The following BAG3 variants were observed in gnomAD, a reference collection of about 807,000 sequenced individuals.
BAG3 encodes BAG cochaperone 3, also known as BAG family molecular chaperone regulator 3.
A neutral mutation model predicts 40.5 loss-of-function variants in BAG3; 14 were observed. The observed-to-expected ratio is 0.35, with a 90% CI of 0.23 to 0.54. BAG3 has a LOEUF of 0.54. Among genes scored for constraint, BAG3 ranks in the 20% least tolerant of loss-of-function variants. BAG3 has a pLI of 0.91. For synonymous variants in BAG3, 302 were observed against 307.8 expected (o/e 0.98, Z 0.20); for missense variants, 788 against 758.6 (o/e 1.04, Z -0.46).
intron 3 of BAG3, among the ~76,000 whole-genome samples, chr10:119,675,823 T>TCCCCCTG (rs1847217458): frequency 2.7e-5 from 1 of 36,972 alleles, no homozygotes; most frequent in Non-Finnish European, 4.8e-5. Flanking sequence ...CCTGCTTCCT[T>TCCCCCTG]CCCCCTTCCC....
chr10:119,667,792 GT>G (rs1847086619), intron 1 of BAG3, among the ~76,000 whole-genome samples: 1 of 152,216 alleles, frequency 6.6e-6, no homozygotes, highest in East Asian at 1.9e-4. Context: ...TGTGCAGATG[GT>G]TGAGGCTTTT....
chr10:119,662,417 G>A (rs1254862053), intron 1 of BAG3, among the ~76,000 whole-genome samples: 2 of 151,984 alleles, frequency 1.3e-5, no homozygotes, highest in Non-Finnish European at 1.5e-5. Context: ...CCTGCCTGAT[G>A]GAGGCGAGCC....
chr10:119,675,860 T>TTTC (rs1847221117), intron 3 of BAG3, among the ~76,000 whole-genome samples: 1 of 35,596 alleles, frequency 2.8e-5, no homozygotes, highest in South Asian at 1.4e-3. Context: ...CCTGCCCCCT[T>TTTC]CCCCCTTGCC....
rs1434506876 is a variant in BAG3, at chr10:119,676,565, C to T, written c.1011C>T (p.Ile337=). 6 of 1,614,064 alleles carry T rather than the reference C, an allele frequency of 3.7e-6. No homozygotes were observed. The South Asian group carries it at 5.5e-5, about 15-fold the overall frequency. ...GACCAGAACTCCCTCCTGGACACAT[C>T]CCAATTCAAGTGATCCGCAAAGAGG... ...PVGPELPPGH[I]PIQVIRKEVD... Residue 337 remains isoleucine, a synonymous_variant, in exon 4 of 4, where the codon ATC becomes ATT. Coordinates refer to ENST00000369085, the MANE Select transcript of BAG3 (RefSeq NM_004281.4).
At chr10:119,657,238 A>G (rs551784842) in intron 1 of BAG3, among the ~76,000 whole-genome samples, 2 of 152,324 alleles carry the variant, frequency 1.3e-5, no homozygotes, top group South Asian at 2.1e-4. Flanking sequence ...TAAATGCCAT[A>G]TAGAGGACAA....
chr10:119,677,168 T>A lies in BAG3; in HGVS notation c.1614T>A (p.Asn538Lys). The change falls in exon 4 of 4, where the codon AAT becomes AAA. Residue 538 changes from asparagine to lysine, a missense_variant. Coordinates refer to ENST00000369085, the MANE Select transcript of BAG3 (RefSeq NM_004281.4). ...TGGCAGCAGACAAGGGCAAGAAAAA[T>A]GCTGGAAATGCAGAAGATCCCCACA... ...GAVAADKGKK[N>K]AGNAEDPHTE... 1 of 1,613,724 alleles carries A rather than the reference T, an allele frequency of 6.2e-7. No homozygotes were observed. Among genetic ancestry groups the A allele is most frequent in the Non-Finnish European group, 8.5e-7 (1 of 1,179,962 alleles).
intron 1 of BAG3, among the ~76,000 whole-genome samples, chr10:119,668,007 G>A (rs1847090094): frequency 6.6e-6 from 1 of 152,244 alleles, no homozygotes; most frequent in Non-Finnish European, 1.5e-5. Context: ...CCATCTCACG[G>A]CAGGAATTCA....
At chr10:119,668,827 C>T (rs961522793) in intron 1 of BAG3, among the ~76,000 whole-genome samples, 2 of 152,206 alleles carry the variant, frequency 1.3e-5, no homozygotes, top group African/African-American at 2.4e-5. Context: ...AAGATTTATT[C>T]GGGGCCATCA....
intron 1 of BAG3, among the ~76,000 whole-genome samples, chr10:119,653,372 A>G (rs1194657290): frequency 6.6e-6 from 1 of 152,156 alleles, no homozygotes; most frequent in Non-Finnish European, 1.5e-5. Context: ...GTGGTTTACA[A>G]CTATTATTTT....
intron 1 of BAG3, among the ~76,000 whole-genome samples, chr10:119,665,138 A>G (rs367580316): frequency 3.0e-4 from 25 of 82,338 alleles, no homozygotes; most frequent in Non-Finnish European, 3.9e-4. Flanking sequence ...ATATATATAT[A>G]TATATATTTT....
chr10:119,651,640 C>T lies in BAG3; in HGVS notation c.-36C>T, dbSNP rs1037892906. The stretch of plus-strand genomic sequence containing the variant: ...GACTCGGCGCCCGGAGCCAGCGCCC[C>T]GCACCCGCGCCCCAGCGGGCAGACC... On this transcript the variant is annotated 5_prime_UTR_variant, in exon 1 of 4. Transcript: ENST00000369085. The T allele has an allele frequency of 6.6e-7, 1 of 1,506,246 alleles. No individual in the cohort carries two copies. Among genetic ancestry groups the T allele is most frequent in the South Asian group, 1.3e-5 (1 of 79,278 alleles). The allele number at this position is 1,506,246 out of a possible 1,614,324, so 93.3% of individuals were successfully genotyped here. A position where few individuals can be genotyped will look rare whatever the true frequency, so the allele number is the denominator to read the frequency against.
At chr10:119,657,529 G>A (rs371193793) in intron 1 of BAG3, 5 of 471,118 alleles carry the variant, frequency 1.1e-5, no homozygotes, top group South Asian at 1.5e-5. Context: ...TGCCCAGAGC[G>A]CGAAGGCAGA....
intron 1 of BAG3, among the ~76,000 whole-genome samples, chr10:119,660,121 T>G (rs1157936303): frequency 6.6e-6 from 1 of 152,198 alleles, no homozygotes; most frequent in East Asian, 1.9e-4. Context: ...GGATGGTGCC[T>G]GGCCTGGAGA....
At chr10:119,655,214 G>A (rs553471221) in intron 1 of BAG3, among the ~76,000 whole-genome samples, 2 of 152,296 alleles carry the variant, frequency 1.3e-5, no homozygotes, top group South Asian at 4.1e-4. Context: ...GCTTCTGGAG[G>A]TGTGAATATG....
At chr10:119,652,974 C>T (rs898299824) in intron 1 of BAG3, among the ~76,000 whole-genome samples, 6 of 152,146 alleles carry the variant, frequency 3.9e-5, no homozygotes, top group African/African-American at 1.2e-4. Flanking sequence ...GAATTGTTAA[C>T]GCCGTCTGGG....
At chr10:119,654,621 A>G (rs1237945354) in intron 1 of BAG3, among the ~76,000 whole-genome samples, 2 of 152,208 alleles carry the variant, frequency 1.3e-5, no homozygotes, top group Non-Finnish European at 2.9e-5. Flanking sequence ...ATCCAGCCCC[A>G]TTCTAAGCAG....
At chr10:119,665,092 TTGTG>T (rs1554876557) in intron 1 of BAG3, among the ~76,000 whole-genome samples, 92 of 87,998 alleles carry the variant, frequency 1.0e-3, no homozygotes, top group East Asian at 2.3e-3. Flanking sequence ...TAATTTTTGT[TTGTG>T]TGTGTGTGTG....
chr10:119,676,682 C>A lies in BAG3; in HGVS notation c.1128C>A (p.Pro376=). 1 of 1,614,210 alleles carries A rather than the reference C, an allele frequency of 6.2e-7. No homozygotes were observed. Among genetic ancestry groups the A allele is most frequent in the Non-Finnish European group, 8.5e-7 (1 of 1,180,042 alleles). ...VPPAPVPCPP[P]SPGPSAVPSS... ...CTGCTCCAGTTCCTTGTCCTCCTCC[C>A]AGCCCTGGCCCTTCTGCTGTCCCCT... Residue 376 remains proline, a synonymous_variant, in exon 4 of 4, where the codon CCC becomes CCA. Transcript: ENST00000369085.
In BAG3 at chr10:119,651,762, G is replaced by T; in HGVS notation, c.87G>T (p.Lys29Asn). Residue 29 changes from lysine to asparagine, a missense_variant, in exon 1 of 4, where the codon AAG becomes AAT. By Grantham distance (94) the Lys-to-Asn change is moderately conservative. Transcript: ENST00000369085. ...RDPLPPGWEI[K>N]IDPQTGWPFF... ...CTTTGCCCCCCGGATGGGAGATCAA[G>T]ATCGACCCGCAGACCGGCTGGCCCT... is the stretch of plus-strand genomic sequence containing the variant. 6.2e-7 allele frequency: 1 copy of T among 1,600,606 alleles called. No individual in the cohort carries two copies. The highest frequency in any genetic ancestry group is 8.5e-7 in the Non-Finnish European group (1 of 1,174,010).
Sources: allele counts gnomAD v4.1 joint callset (sites outside exome capture counted in the v4.1 genomes callset), GRCh38; gene constraint gnomAD v4.1.1; transcripts MANE v1.5; gene names NCBI Gene and HGNC (gene_info 2026-07-23, HGNC 2026-07-21).